MARCHF3: variants seen among roughly 807,000 people sequenced by gnomAD.
MARCHF3 encodes the protein E3 ubiquitin-protein ligase MARCHF3.
A neutral mutation model predicts 24.2 loss-of-function variants in MARCHF3; 13 were observed. The ratio of observed to expected loss-of-function variants is 0.54; its 90% CI spans 0.35 to 0.85. The LOEUF (loss-of-function observed/expected upper bound fraction) is 0.85. MARCHF3 is among the 40% of genes least tolerant of loss of function. The probability of loss-of-function intolerance (pLI) is 0.01; values close to 1 mark genes in which losing one functional copy is unlikely to be tolerated. For synonymous variants in MARCHF3, 144 were observed against 137.3 expected (o/e 1.05, Z -0.34); for missense variants, 276 against 325.0 (o/e 0.85, Z 1.16).
Position 126,870,542 on chromosome 5 carries a change from A to G in MARCHF3, c.*91T>C. ...TGTTCTTAGACCCACAGGCTTAAGGAAGGGCTTGGGGGTCGCTCAGTGCAT... is the reference window on the plus strand; with the variant it reads ...TGTTCTTAGACCCACAGGCTTAAGGGAGGGCTTGGGGGTCGCTCAGTGCAT... On this transcript the variant is annotated 3_prime_UTR_variant, in exon 5 of 5. Transcript: ENST00000308660. The G allele has an allele frequency of 8.2e-7, 1 of 1,216,912 alleles. No individual in the cohort carries two copies. The highest frequency in any genetic ancestry group is 1.2e-6 in the Non-Finnish European group (1 of 843,378). The allele number at this position is 1,216,912 out of a possible 1,614,324, so 75.4% of individuals were successfully genotyped here.
chr5:126,935,601 C>CTTT lies in MARCHF3; in HGVS notation c.-56-17377_-56-17375dup, dbSNP rs202058243. Among the ~76,000 whole-genome samples, 96 of 70,626 alleles carry CTTT rather than the reference C, an allele frequency of 1.4e-3. 12 individuals carry two copies. The highest frequency in any genetic ancestry group is 1.9e-3 in the Non-Finnish European group (70 of 36,376). 46.3% of individuals were successfully genotyped at this position (70,626 alleles called of 152,430 possible). On this transcript the variant is annotated intron_variant, in intron 1 of 4. Transcript: ENST00000308660. ...CTAAAAAGTACGAATGTATATATGG[C>CTTT]TTTTTTTTTTTTTTTTTTTTTTTTT...
Position 126,918,016 on chromosome 5 carries a change from C to A in MARCHF3, c.156G>T (p.Leu52=). 2 of 1,614,144 alleles carry A rather than the reference C, an allele frequency of 1.2e-6. No homozygotes were observed. The highest frequency in any genetic ancestry group is 2.2e-5 in the South Asian group (2 of 91,080). Residue 52 remains leucine, a synonymous_variant, in exon 2 of 5, where the codon CTG becomes CTT. Coordinates refer to ENST00000308660, the MANE Select transcript of MARCHF3 (RefSeq NM_178450.5). The stretch of plus-strand genomic sequence containing the variant: ...TGGCAAGAGTCCGCACTACTGTTGA[C>A]AGCAGCTGCCCGTCCTTGGCTGAAA... ...MQVSAKDGQL[L]STVVRTLATQ... is the part of the protein sequence containing the mutation.
chr5:126,872,125 G>A (rs1419012001), intron 4 of MARCHF3, among the ~76,000 whole-genome samples: 1 of 144,796 alleles, frequency 6.9e-6, no homozygotes, highest in Non-Finnish European at 1.5e-5. Flanking sequence ...TGTTGCCCAG[G>A]CGGAAGTGCA....
chr5:126,972,246 A>G (rs1478922804), intron 1 of MARCHF3, among the ~76,000 whole-genome samples: 2 of 128,528 alleles, frequency 1.6e-5, no homozygotes, highest in African/African-American at 6.6e-5. Context: ...TTAAAGAACT[A>G]AAAAAAAAAA....
chr5:126,872,881 T>C (rs1753021345), intron 4 of MARCHF3, among the ~76,000 whole-genome samples: 1 of 152,084 alleles, frequency 6.6e-6, no homozygotes, highest in Admixed American at 6.5e-5. Flanking sequence ...GATTCTCTTG[T>C]ATCTATTCTG....
At chr5:127,008,575 T>C (rs897786857) in intron 1 of MARCHF3, among the ~76,000 whole-genome samples, 5 of 152,232 alleles carry the variant, frequency 3.3e-5, no homozygotes, top group Non-Finnish European at 5.9e-5. Flanking sequence ...TGTGTTTTCA[T>C]AGTTGTTGTT....
At chr5:126,885,554 T>G (rs1753486350) in intron 3 of MARCHF3, among the ~76,000 whole-genome samples, 1 of 151,720 alleles carries the variant, frequency 6.6e-6, no homozygotes, top group African/African-American at 2.4e-5. Context: ...GCAACAAGAG[T>G]GTTGATTTAA....
At chr5:126,909,735 T>G (rs972051312) in intron 3 of MARCHF3, among the ~76,000 whole-genome samples, 1 of 152,198 alleles carries the variant, frequency 6.6e-6, no homozygotes, top group African/African-American at 2.4e-5. Context: ...GAGATGAACC[T>G]GGTACCTCAG....
intron 1 of MARCHF3, among the ~76,000 whole-genome samples, chr5:126,970,473 TC>T (rs1359358070): frequency 2.2e-4 from 33 of 151,844 alleles, no homozygotes; most frequent in East Asian, 1.9e-3. Flanking sequence ...TTACTTTTTT[TC>T]TTTTTTTTTT....
chr5:126,956,994 C>T (rs1173812668), intron 1 of MARCHF3, among the ~76,000 whole-genome samples: 1 of 152,198 alleles, frequency 6.6e-6, no homozygotes, highest in Non-Finnish European at 1.5e-5. Context: ...TCAGGTGATC[C>T]TCCCACCTCA....
intron 1 of MARCHF3, among the ~76,000 whole-genome samples, chr5:126,939,873 A>C (rs1315146834): frequency 6.6e-6 from 1 of 152,176 alleles, no homozygotes; most frequent in Non-Finnish European, 1.5e-5. Flanking sequence ...ATTCATTAAC[A>C]TTGAACTCAT....
rs1752893487 is a variant in MARCHF3, at chr5:126,869,582, C to CTTTTTTTGTTTTTTTT, written c.*1050_*1051insAAAAAAAACAAAAAAA. 1 of 79,832 alleles carries CTTTTTTTGTTTTTTTT rather than the reference C, an allele frequency of 1.3e-5. No individual in the cohort carries two copies. Among genetic ancestry groups the CTTTTTTTGTTTTTTTT allele is most frequent in the East Asian group, 4.5e-4 (1 of 2,204 alleles). 4.9% of individuals were successfully genotyped at this position (79,832 alleles called of 1,614,324 possible). A position where few individuals can be genotyped will look rare whatever the true frequency, so the allele number is the denominator to read the frequency against. ...ATAAGTGCAGGGCTGCTAGGACAGGCTTTTTTTTTTTTTTTTTTTTTTGCC... is the reference window on the plus strand; with the variant it reads ...ATAAGTGCAGGGCTGCTAGGACAGGCTTTTTTTGTTTTTTTTTTTTTTTTTTTTTTTTTTTTTTGCC... On this transcript the variant is annotated 3_prime_UTR_variant, in exon 5 of 5. Transcript: ENST00000308660.
chr5:126,928,093 T>G (rs1174359326), intron 1 of MARCHF3, among the ~76,000 whole-genome samples: 1 of 152,224 alleles, frequency 6.6e-6, no homozygotes, highest in African/African-American at 2.4e-5. Flanking sequence ...ATAAATACAG[T>G]AGGCCTTTAC....
At chr5:126,927,214 AC>A (rs1416847047) in intron 1 of MARCHF3, among the ~76,000 whole-genome samples, 4 of 152,298 alleles carry the variant, frequency 2.6e-5, no homozygotes, top group Admixed American at 2.6e-4. Flanking sequence ...AAGATACCAA[AC>A]AAGCACAAGA....
chr5:126,881,583 C>A (rs995421512), intron 3 of MARCHF3, among the ~76,000 whole-genome samples: 2 of 152,142 alleles, frequency 1.3e-5, no homozygotes, highest in Non-Finnish European at 2.9e-5. Context: ...ATAGCAATTT[C>A]AAATGCTAAT....
At chr5:126,885,320 C>T (rs1189017388) in intron 3 of MARCHF3, among the ~76,000 whole-genome samples, 1 of 152,156 alleles carries the variant, frequency 6.6e-6, no homozygotes, top group Non-Finnish European at 1.5e-5. Context: ...GTAATCTCAG[C>T]ACTTTGGGAG....
chr5:126,897,092 T>C (rs946692094), intron 3 of MARCHF3, among the ~76,000 whole-genome samples: 1 of 148,478 alleles, frequency 6.7e-6, no homozygotes, highest in African/African-American at 2.5e-5. Flanking sequence ...TGGACTGGAG[T>C]GCAATGGCAC....
chr5:126,935,814 T>C (rs1749628932), intron 1 of MARCHF3, among the ~76,000 whole-genome samples: 1 of 152,046 alleles, frequency 6.6e-6, no homozygotes, highest in South Asian at 2.1e-4. Flanking sequence ...TTTCACCATG[T>C]TGGGCAGGCT....
Position 126,955,456 on chromosome 5 carries a change from G to A in MARCHF3, c.-56-37229C>T, listed in dbSNP as rs1029575093. On this transcript the variant is annotated intron_variant, in intron 1 of 4. Transcript: ENST00000308660. ...TGTACCACACTACATGCCCAGTTTCGTTCATCCGGCCCAATATTTGGACAG... is the reference window on the plus strand; with the variant it reads ...TGTACCACACTACATGCCCAGTTTCATTCATCCGGCCCAATATTTGGACAG... Among the ~76,000 whole-genome samples the A allele has an allele frequency of 1.2e-4, 18 of 152,116 alleles. 1 individual carries two copies. Among genetic ancestry groups the A allele is most frequent in the Non-Finnish European group, 2.6e-4 (18 of 68,010 alleles).
Sources: gnomAD v4.1 joint callset for allele counts (sites outside exome capture counted in the v4.1 genomes callset) on GRCh38, gnomAD v4.1.1 for gene constraint, MANE v1.5 for transcripts, NCBI Gene and HGNC (gene_info 2026-07-23, HGNC 2026-07-21) for gene names.